Variants in PRSS53 observed in about 807,000 individuals in gnomAD.
PRSS53 encodes EDTP308.
A neutral mutation model predicts 62.7 loss-of-function variants in PRSS53; 54 were observed. That is an observed-to-expected ratio of 0.86 (90% CI 0.69 to 1.08). PRSS53 has a LOEUF of 1.08. Ranked by LOEUF, PRSS53 falls within the 50% of genes least tolerant of loss-of-function variation. The pLI is 0.00. For synonymous variants in PRSS53, 273 were observed against 300.0 expected (o/e 0.91, Z 0.93); for missense variants, 688 against 728.3 (o/e 0.94, Z 0.64).
At position 31,084,710 on chromosome 16, in the gene PRSS53, A is replaced by T; in HGVS notation, c.1280-7T>A. ...GTCTGGAGGGAGCTGATGCCTGTGG[A>T]GCAAGGGAAAGCTGGCTGCCCCGGC... On this transcript the variant is annotated splice_polypyrimidine_tract_variant and splice_region_variant and intron_variant, in intron 8 of 10. Transcript: ENST00000280606. 1 of 1,607,840 alleles carries T rather than the reference A, an allele frequency of 6.2e-7. No homozygotes were observed. The highest frequency in any genetic ancestry group is 8.5e-7 in the Non-Finnish European group (1 of 1,176,244).
In PRSS53 at chr16:31,084,101, G is replaced by C. The variant is rs1408575645; in HGVS notation, c.1642+18C>G. On this transcript the variant is annotated intron_variant, in intron 10 of 10. Coordinates refer to ENST00000280606, the Ensembl canonical transcript of PRSS53. ...CCTGGAGAGGCAGGGTTTGGCAGGA[G>C]GCCCCGGGGCCACATACTTATGTTG... The C allele has an allele frequency of 1.3e-6, 2 of 1,556,266 alleles. No individual in the cohort carries two copies. The highest frequency in any genetic ancestry group is 1.9e-5 in the Admixed American group (1 of 51,642).
chr16:31,083,802 T>C, exon 11 of PRSS53: 2 of 1,614,080 alleles, frequency 1.2e-6, no homozygotes, highest in Middle Eastern at 3.3e-4. Context: ...AGCAGCTGGT[T>C]GGTTGGCCTG....
chr16:31,087,933 T>A, intron 1 of PRSS53, 107 bp from the exon 2 acceptor site: 1 of 1,560,722 alleles, frequency 6.4e-7, no homozygotes, highest in Non-Finnish European at 8.7e-7. Flanking sequence ...TGCCTGTGAC[T>A]CTGATTACCT....
At chr16:31,087,604 C>A (rs778587446) in exon 3 of PRSS53, 1 of 1,610,850 alleles carries the variant, frequency 6.2e-7, no homozygotes, top group Non-Finnish European at 8.5e-7. Flanking sequence ...CAGATGTGGG[C>A]TCCTTGCCTC....
At chr16:31,086,976 T>G (rs1201125905) in intron 3 of PRSS53, 78 bp from the exon 4 acceptor site, 1 of 1,445,440 alleles carries the variant, frequency 6.9e-7, no homozygotes, top group Admixed American at 2.4e-5. Context: ...CACAGGTAGG[T>G]GGAAGATAGC....
chr16:31,083,883 G>A (rs11864806), intron 10 of PRSS53, 74 bp from the exon 11 acceptor site: 46 of 1,595,936 alleles, frequency 2.9e-5, no homozygotes, highest in African/African-American at 5.4e-5. Context: ...CCCATTCCTC[G>A]AAGGAACAGG....
At chr16:31,086,547 C>T in intron 4 of PRSS53, 56 bp from the exon 5 acceptor site, 1 of 1,575,616 alleles carries the variant, frequency 6.3e-7, no homozygotes, top group South Asian at 1.2e-5. Flanking sequence ...GCAAGGGAGA[C>T]TGGAAGCCAG....
chr16:31,084,868 G>C (rs962136507), exon 8 of PRSS53: 4 of 1,548,044 alleles, frequency 2.6e-6, no homozygotes, highest in Non-Finnish European at 3.5e-6. Flanking sequence ...GGGGCCGCAG[G>C]CTGGCTCCCA....
chr16:31,084,203 A>G (rs748204353), exon 10 of PRSS53: 37 of 1,611,092 alleles, frequency 2.3e-5, no homozygotes, highest in Non-Finnish European at 3.1e-5. Flanking sequence ...CTGCTGACCC[A>G]GTCCTCATAG....
intron 6 of PRSS53, among the ~76,000 whole-genome samples, chr16:31,085,570 G>A (rs1003372856): frequency 2.0e-5 from 3 of 152,136 alleles, no homozygotes; most frequent in Non-Finnish European, 2.9e-5. Flanking sequence ...CCTGCCTCCC[G>A]TATTCCTGAC....
At chr16:31,083,901 T>A in intron 10 of PRSS53, 92 bp from the exon 11 acceptor site, 1 of 1,584,498 alleles carries the variant, frequency 6.3e-7, no homozygotes, top group Non-Finnish European at 8.6e-7. Flanking sequence ...AGGGTCTGTC[T>A]TGGCCGCCAT....
chr16:31,083,674 G>C, exon 11 of PRSS53: 1 of 1,582,022 alleles, frequency 6.3e-7, no homozygotes, highest in Non-Finnish European at 8.6e-7. Context: ...ACAGCTGCTG[G>C]GCTTCTGGGC....
exon 3 of PRSS53, chr16:31,087,674 G>A (rs1203823140): frequency 6.2e-7 from 1 of 1,612,012 alleles, no homozygotes; most frequent in South Asian, 1.1e-5. Context: ...GAGGCTTGGG[G>A]GGGCCGGGGC....
chr16:31,084,485 G>A, intron 9 of PRSS53, 73 bp downstream of exon 9: 2 of 1,534,270 alleles, frequency 1.3e-6, no homozygotes, highest in Non-Finnish European at 1.8e-6. Context: ...AAGCCTGGAA[G>A]GTCCGTTCTT....
chr16:31,086,355 C>T (rs2057233430), exon 5 of PRSS53: 9 of 1,612,930 alleles, frequency 5.6e-6, no homozygotes, highest in Non-Finnish European at 7.6e-6. Flanking sequence ...GGCCCTGCAC[C>T]CCAGGCTGGG....
chr16:31,088,215 G>A (rs894108343), intron 1 of PRSS53: 5 of 1,169,232 alleles, frequency 4.3e-6, no homozygotes, highest in Non-Finnish European at 5.3e-6. Context: ...GGAAGGATTA[G>A]AGGCCTGCAT....
chr16:31,088,871 G>A, exon 1 of PRSS53: 1 of 1,604,936 alleles, frequency 6.2e-7, no homozygotes, highest in African/African-American at 1.3e-5. Flanking sequence ...GGGTCTCCCT[G>A]GCTCCACCTC....
chr16:31,086,494 G>T lies in PRSS53; in HGVS notation c.509-3C>A, dbSNP rs778022944. 4 of 1,609,662 alleles carry T rather than the reference G, an allele frequency of 2.5e-6. No homozygotes were observed. The highest frequency in any genetic ancestry group is 3.4e-6 in the Non-Finnish European group (4 of 1,177,042). ...CAGATTGCGTAGGGTCCCAGGAGCT[G>T]GTGAAAGAGACGGGGCTGGGGCTAG... On this transcript the variant is annotated splice_polypyrimidine_tract_variant and splice_region_variant and intron_variant, in intron 4 of 10. Transcript: ENST00000280606.
chr16:31,087,838 G>C lies in PRSS53; in HGVS notation c.59-12C>G, dbSNP rs374064843. 89 of 1,613,850 alleles carry C rather than the reference G, an allele frequency of 5.5e-5. No individual in the cohort carries two copies. The African/African-American group carries it at 8.1e-4, about 15-fold the overall frequency. The stretch of plus-strand genomic sequence containing the variant: ...AGCGGCTTGAAGACCTGGGAAGAGA[G>C]AGACACAGGTAAGATGCAGGGACTC... On this transcript the variant is annotated splice_polypyrimidine_tract_variant and intron_variant, in intron 1 of 10. Coordinates refer to ENST00000280606, the Ensembl canonical transcript of PRSS53.
Sources: gnomAD v4.1 joint callset for allele counts (sites outside exome capture counted in the v4.1 genomes callset) on GRCh38, gnomAD v4.1.1 for gene constraint, MANE v1.5 for transcripts, NCBI Gene and HGNC (gene_info 2026-07-23, HGNC 2026-07-21) for gene names.